Variants in NAV3 observed in about 807,000 individuals in gnomAD.
The protein encoded by NAV3 is pore membrane and/or filament interacting like protein 1.
NAV3 carries 87 observed loss-of-function variants against 244.7 expected under a neutral mutation model. That is an observed-to-expected ratio of 0.36 (90% CI 0.30 to 0.42). The LOEUF is 0.42. Among genes scored for constraint, NAV3 ranks in the 20% least tolerant of loss-of-function variants. The pLI is 1.00. For synonymous variants in NAV3, 1,126 were observed against 1,042.2 expected, an observed-to-expected ratio of 1.08 and a Z score of -1.55; for missense variants, 2,663 against 2,893.3, an observed-to-expected ratio of 0.92 and a Z score of 1.83.
intron 12 of NAV3, among the ~76,000 whole-genome samples, chr12:78,098,954 G>GA (rs1393348602): frequency 9.4e-6 from 1 of 105,898 alleles, no homozygotes; most frequent in African/African-American, 2.9e-5. Context: ...AAGTATCCAG[G>GA]GTTTTTTTTT....
Position 78,122,163 on chromosome 12 carries a change from T to C in NAV3, c.3973T>C (p.Leu1325=). Residue 1325 remains leucine (L), a synonymous_variant, in exon 16 of 40, where the codon TTA becomes CTA. Coordinates refer to ENST00000397909, the MANE Select transcript of NAV3 (RefSeq NM_001024383.2). ...AGACTTAACTACAGATGTTATAAGC[T>C]TAAGTCACTCGTTGGCCTCCAGCCC... is the stretch of plus-strand genomic sequence containing the variant. ...PSDLTTDVIS[L]SHSLASSPAS... is the part of the protein sequence containing the mutation. 2 of 1,614,106 alleles carry C rather than the reference T, an allele frequency of 1.2e-6. No individual in the cohort carries two copies. Among genetic ancestry groups the C allele is most frequent in the Non-Finnish European group, 1.7e-6 (2 of 1,180,020 alleles).
chr12:77,798,618 A>G (rs1871548574), intron 2 of NAV3, among the ~76,000 whole-genome samples: 2 of 152,102 alleles, frequency 1.3e-5, no homozygotes, highest in African/African-American at 2.4e-5. Flanking sequence ...TGAAGCCTTA[A>G]TATATAAATG....
rs142306910 is a variant in NAV3 at position 78,009,292 on chromosome 12, A to G, written c.1907+1847A>G. Among the ~76,000 whole-genome samples, 6 of 152,074 alleles carry G rather than the reference A, an allele frequency of 3.9e-5. No homozygotes were observed. In the East Asian group the frequency reaches 1.2e-3, roughly 30 times the overall value. ...GTTTGACCTCTTTAACAACAAGACT[A>G]TAAAAGTGAGGCAGTGTAGCCAAGT... On this transcript the variant is annotated intron_variant, in intron 8 of 39. Transcript: ENST00000397909.
chr12:77,777,868 C>T lies in NAV3; in HGVS notation c.73-162451C>T, dbSNP rs1162003167. Reference sequence around the variant, plus strand: ...GTCACCAGGCTGGAGTGCAGTGGCACGATGTCAGCTCACTGCAACCTCCGC... The same window carrying T: ...GTCACCAGGCTGGAGTGCAGTGGCATGATGTCAGCTCACTGCAACCTCCGC... On this transcript the variant is annotated intron_variant, in intron 2 of 8. Coordinates refer to the NAV3 transcript ENST00000550042. 1.3e-4 allele frequency among the ~76,000 whole-genome samples: 20 copies of T among 151,334 alleles called. 2 individuals are homozygous for T. The highest frequency in any genetic ancestry group is 9.2e-4 in the Admixed American group (14 of 15,216).
intron 3 of NAV3, among the ~76,000 whole-genome samples, chr12:77,952,133 G>C (rs73144283): frequency 0.11 from 17,123 of 150,950 alleles, 1,292 homozygotes; most frequent in South Asian, 0.17. Flanking sequence ...TGTAAACTTC[G>C]GATGATGATT....
intron 12 of NAV3, among the ~76,000 whole-genome samples, chr12:78,096,143 A>G (rs976215061): frequency 1.3e-5 from 2 of 152,226 alleles, no homozygotes; most frequent in African/African-American, 4.8e-5. Context: ...ATCAAGTCCT[A>G]AGATCAAGCT....
intron 5 of NAV3, among the ~76,000 whole-genome samples, chr12:77,971,570 C>T (rs1892997191): frequency 1.3e-5 from 2 of 152,014 alleles, no homozygotes; most frequent in Non-Finnish European, 2.9e-5. Flanking sequence ...CAAAAGGCCA[C>T]AATGATAATA....
At chr12:77,752,806 C>T (rs1868928172) in intron 2 of NAV3, among the ~76,000 whole-genome samples, 1 of 152,158 alleles carries the variant, frequency 6.6e-6, no homozygotes, top group African/African-American at 2.4e-5. Flanking sequence ...CTCCTCATCT[C>T]TCAAAATTGA....
At chr12:77,974,054 G>C (rs969512035) in intron 5 of NAV3, among the ~76,000 whole-genome samples, 1 of 151,826 alleles carries the variant, frequency 6.6e-6, no homozygotes, top group Non-Finnish European at 1.5e-5. Context: ...GTGTGTGCAC[G>C]TGCACACACT....
intron 2 of NAV3, among the ~76,000 whole-genome samples, chr12:77,707,871 T>C (rs1875904536): frequency 1.3e-5 from 2 of 152,256 alleles, no homozygotes; most frequent in South Asian, 4.1e-4. Context: ...TTTTGAGACG[T>C]GTCTGTTCAT....
intron 12 of NAV3, among the ~76,000 whole-genome samples, chr12:78,077,757 G>T (rs1164369881): frequency 1.3e-5 from 2 of 152,162 alleles, no homozygotes; most frequent in Non-Finnish European, 2.9e-5. Flanking sequence ...GACCAACATG[G>T]TGAAACCCCG....
At chr12:78,199,600 G>C (rs2140018829) in intron 37 of NAV3, 69 bp downstream of exon 37, 1 of 1,155,858 alleles carries the variant, frequency 8.7e-7, no homozygotes, top group Non-Finnish European at 1.2e-6. Context: ...GGCCAGATTG[G>C]ATGGTAGAAA....
intron 7 of NAV3, among the ~76,000 whole-genome samples, chr12:77,999,052 G>T (rs1593236930): frequency 6.6e-6 from 1 of 152,186 alleles, no homozygotes; most frequent in Non-Finnish European, 1.5e-5. Context: ...TTAAATGAAA[G>T]TGTCTGTTAA....
At chr12:77,739,681 A>G (rs1868292038) in intron 2 of NAV3, among the ~76,000 whole-genome samples, 1 of 152,200 alleles carries the variant, frequency 6.6e-6, no homozygotes. Context: ...AGCAAATTTT[A>G]AAATTTTATG....
intron 2 of NAV3, among the ~76,000 whole-genome samples, chr12:77,576,829 A>T (rs1048947449): frequency 2.0e-5 from 3 of 152,074 alleles, no homozygotes; most frequent in South Asian, 2.1e-4. Flanking sequence ...TGGCCTCATT[A>T]AATGAGGCCA....
chr12:77,673,854 G>A (rs2137085796), intron 2 of NAV3, among the ~76,000 whole-genome samples: 1 of 152,016 alleles, frequency 6.6e-6, no homozygotes, highest in South Asian at 2.1e-4. Flanking sequence ...ATGAACTCTT[G>A]CTTTTTAAAG....
rs550532198 is a variant in NAV3 at position 77,631,102 on chromosome 12, C to G, written c.72+58836C>G. Among the ~76,000 whole-genome samples the G allele has an allele frequency of 2.0e-5, 3 of 152,300 alleles. No homozygotes were observed. In the South Asian group the frequency reaches 6.2e-4, roughly 32 times the overall value. On this transcript the variant is annotated intron_variant, in intron 2 of 8. Coordinates refer to the NAV3 transcript ENST00000550042. ...AAGAGTTTGCAGTTACAGATGTAAG[C>G]ATGTCAAGTTTACCTTATTTTCTAC... is the stretch of plus-strand genomic sequence containing the variant.
At chr12:78,176,166 C>T (rs911943443) in intron 25 of NAV3, among the ~76,000 whole-genome samples, 1 of 151,620 alleles carries the variant, frequency 6.6e-6, no homozygotes, top group Non-Finnish European at 1.5e-5. Flanking sequence ...AGCTAAATAG[C>T]CCAGGGGAAG....
At chr12:78,127,249 T>A (rs1412078637) in intron 17 of NAV3, 41 bp downstream of exon 17, 1 of 1,582,090 alleles carries the variant, frequency 6.3e-7, no homozygotes, top group Admixed American at 1.7e-5. Context: ...TCTCTGTTGT[T>A]ATGTAAACTT....
Sources: gnomAD v4.1 joint callset for allele counts (sites outside exome capture counted in the v4.1 genomes callset) on GRCh38, gnomAD v4.1.1 for gene constraint, MANE v1.5 for transcripts, NCBI Gene and HGNC (gene_info 2026-07-23, HGNC 2026-07-21) for gene names.